ATM: variants seen among roughly 807,000 people sequenced by gnomAD.
The protein encoded by ATM is serine-protein kinase ATM.
ATM carries 308 observed loss-of-function variants against 387.0 expected under a neutral mutation model. The observed-to-expected ratio is 0.80, with a 90% CI of 0.73 to 0.87. ATM has a LOEUF of 0.87. Ranked by LOEUF, ATM falls within the 40% of genes least tolerant of loss-of-function variation. ATM has a pLI of 0.00. For synonymous variants in ATM, 1,156 were observed against 1,187.3 expected, an observed-to-expected ratio of 0.97 and a Z score of 0.54; for missense variants, 3,312 against 3,560.9, an observed-to-expected ratio of 0.93 and a Z score of 1.78.
chr11:108,356,953 G>T (rs150440359), intron 61 of ATM, among the ~76,000 whole-genome samples: 1 of 152,192 alleles, frequency 6.6e-6, no homozygotes, highest in Non-Finnish European at 1.5e-5. Context: ...CAAGATGGCC[G>T]AATAGGAACA....
chr11:108,351,652 A>C (rs2089213428), intron 59 of ATM, among the ~76,000 whole-genome samples: 1 of 152,088 alleles, frequency 6.6e-6, no homozygotes, highest in African/African-American at 2.4e-5. Flanking sequence ...AGTGTCCTGG[A>C]CCTACTCAGC....
intron 4 of ATM, chr11:108,230,313 G>C (rs2078947154): frequency 6.6e-6 from 1 of 152,202 alleles, no homozygotes; most frequent in African/African-American, 2.4e-5. Context: ...CTACTTGGGA[G>C]GCTGAGGCAC....
At chr11:108,229,931 CT>C (rs2078930132) in intron 4 of ATM, 1 of 152,740 alleles carries the variant, frequency 6.5e-6, no homozygotes, top group African/African-American at 2.4e-5. Flanking sequence ...AGTCCTCCCC[CT>C]GCTCAGCCTC....
At position 108,332,163 on chromosome 11, in the gene ATM, C is replaced by T. The variant is rs903071288; in HGVS notation, c.7788+126C>T. 3.2e-6 allele frequency: 4 copies of T among 1,241,324 alleles called. No homozygotes were observed. The African/African-American group carries it at 6.0e-5, about 19-fold the overall frequency. The allele number at this position is 1,241,324 out of a possible 1,614,324, so 76.9% of individuals were successfully genotyped here. ...TCGGTTCAAGGCTGGCACGGTGGCT[C>T]ACGCCTGTAATCCCAGCACTTTGGG... On this transcript the variant is annotated intron_variant, in intron 52 of 62. Transcript: ENST00000675843.
chr11:108,248,888 CAAAAAAAAA>C, intron 8 of ATM, 36 bp from the exon 9 acceptor site: 1 of 1,245,602 alleles, frequency 8.0e-7, no homozygotes, highest in Admixed American at 2.6e-5. Flanking sequence ...AACTCTGGCT[CAAAAAAAAA>C]AAAAAGAAAA....
Position 108,276,735 on chromosome 11 carries a change from A to T in ATM, c.3285-2756A>T, listed in dbSNP as rs1002805770. Among the ~76,000 whole-genome samples, 68 of 152,120 alleles carry T rather than the reference A, an allele frequency of 4.5e-4. 1 individual carries two copies. Among genetic ancestry groups the T allele is most frequent in the African/African-American group, 1.5e-3 (62 of 41,492 alleles). On this transcript the variant is annotated intron_variant, in intron 22 of 62. Transcript: ENST00000675843. ...ATTGCTGCCTGTTCCTTCCTCTGGG[A>T]AGGTTCGTCCCAGAGCGGCACCCGC...
At chr11:108,257,642 T>C (rs748062018) in intron 15 of ATM, 36 bp downstream of exon 15, 5 of 1,597,290 alleles carry the variant, frequency 3.1e-6, no homozygotes, top group Non-Finnish European at 4.3e-6. Context: ...TTTTTTGAGA[T>C]AGGATCTTTC....
chr11:108,316,118 A>AT lies in ATM; in HGVS notation c.6198+11dup, dbSNP rs2136133315. 6.2e-7 allele frequency: 1 copy of AT among 1,613,118 alleles called. No homozygotes were observed. Among genetic ancestry groups the AT allele is most frequent in the East Asian group, 2.2e-5 (1 of 44,852 alleles). On this transcript the variant is annotated splice_donor_region_variant and intron_variant, in intron 42 of 62. Transcript: ENST00000675843. ...CGCCAGGCAGGAATCATTCAGGTAC[A>AT]TTTTTTCCCAGATTTGGTAAAGCCA...
At chr11:108,289,826 T>C in intron 29 of ATM, 25 bp downstream of exon 29, 1 of 1,592,358 alleles carries the variant, frequency 6.3e-7, no homozygotes, top group East Asian at 2.2e-5. Flanking sequence ...TAGACCAATA[T>C]ATAAGCAGTC....
At chr11:108,295,081 G>A (rs1333432388) in intron 32 of ATM, 22 bp downstream of exon 32, 2 of 1,613,150 alleles carry the variant, frequency 1.2e-6, no homozygotes. Flanking sequence ...AAATGACATG[G>A]GCTATTTCTA....
chr11:108,351,998 C>G (rs911771150), intron 59 of ATM, among the ~76,000 whole-genome samples: 1 of 152,198 alleles, frequency 6.6e-6, no homozygotes, highest in African/African-American at 2.4e-5. Context: ...ATTGGGGAAT[C>G]TAGTCTTCTG....
chr11:108,363,649 C>CA (rs1204988718), intron 61 of ATM, among the ~76,000 whole-genome samples: 1 of 152,156 alleles, frequency 6.6e-6, no homozygotes, highest in African/African-American at 2.4e-5. Context: ...ATACCCCATC[C>CA]AAAATGACAA....
chr11:108,244,568 T>A (rs1303026288), intron 6 of ATM, among the ~76,000 whole-genome samples: 1 of 152,200 alleles, frequency 6.6e-6, no homozygotes, highest in Non-Finnish European at 1.5e-5. Flanking sequence ...GAGGGAGAGC[T>A]AACAGAAGTG....
intron 26 of ATM, among the ~76,000 whole-genome samples, chr11:108,286,441 G>T (rs1013310580): frequency 2.0e-5 from 3 of 151,964 alleles, no homozygotes; most frequent in Non-Finnish European, 4.4e-5. Context: ...AGTGGGCCCT[G>T]AGCAAGTGGC....
intron 47 of ATM, chr11:108,327,409 C>A: frequency 2.2e-6 from 1 of 460,840 alleles, no homozygotes; most frequent in Non-Finnish European, 4.0e-6. Flanking sequence ...TATATAAGTA[C>A]TCAATAAATG....
chr11:108,344,156 A>C (rs1050764296), intron 57 of ATM, among the ~76,000 whole-genome samples: 1 of 152,184 alleles, frequency 6.6e-6, no homozygotes, highest in Admixed American at 6.5e-5. Flanking sequence ...AAAATGTGTG[A>C]TAAGTGCTAT....
intron 4 of ATM, 112 bp from the exon 5 acceptor site, chr11:108,235,555 AAAG>A: frequency 2.9e-6 from 3 of 1,028,352 alleles, no homozygotes; most frequent in Non-Finnish European, 4.2e-6. Flanking sequence ...CTTCTCTACA[AAAG>A]AAGTTTAGTT....
chr11:108,239,425 A>C (rs191680326), intron 5 of ATM, among the ~76,000 whole-genome samples: 37 of 152,350 alleles, frequency 2.4e-4, no homozygotes, highest in African/African-American at 8.4e-4. Flanking sequence ...TGCTTATTAC[A>C]CTTACCAAAA....
chr11:108,244,750 CCT>C (rs780331683), intron 6 of ATM, 36 bp from the exon 7 acceptor site: 17 of 1,488,584 alleles, frequency 1.1e-5, no homozygotes, highest in Non-Finnish European at 1.5e-5. Flanking sequence ...GTTTGTTCCC[CCT>C]GTTATACCCA....
Sources: allele counts gnomAD v4.1 joint callset (sites outside exome capture counted in the v4.1 genomes callset), GRCh38; gene constraint gnomAD v4.1.1; transcripts MANE v1.5; gene names NCBI Gene and HGNC (gene_info 2026-07-23, HGNC 2026-07-21).